The following PLXNA4 variants were observed in gnomAD, a reference collection of about 807,000 sequenced individuals.
The protein encoded by PLXNA4 is plexin A4.
Under a neutral mutation model 191.8 loss-of-function variants are expected in PLXNA4, and 44 were observed. The observed-to-expected ratio is 0.23, with a 90% CI of 0.18 to 0.29. The LOEUF (loss-of-function observed/expected upper bound fraction) is 0.29. Among genes scored for constraint, PLXNA4 ranks in the 10% least tolerant of loss-of-function variants. PLXNA4 has a pLI of 1.00. For synonymous variants in PLXNA4, 1,082 were observed against 1,009.5 expected (o/e 1.07, Z -1.36); for missense variants, 1,800 against 2,488.8 (o/e 0.72, Z 5.89).
At chr7:132,539,795 G>A (rs1799991213) in intron 1 of PLXNA4, among the ~76,000 whole-genome samples, 1 of 152,182 alleles carries the variant, frequency 6.6e-6, no homozygotes, top group Admixed American at 6.5e-5. Flanking sequence ...TAAGAGATGA[G>A]TTCTTCCACG....
At chr7:132,591,108 G>A (rs1802596876) in intron 2 of PLXNA4, among the ~76,000 whole-genome samples, 2 of 152,296 alleles carry the variant, frequency 1.3e-5, no homozygotes, top group South Asian at 4.1e-4. Context: ...AAGGAGGCAT[G>A]GGATCACTAA....
chr7:132,320,428 G>A (rs1186031341), intron 3 of PLXNA4, among the ~76,000 whole-genome samples: 1 of 152,178 alleles, frequency 6.6e-6, no homozygotes, highest in Non-Finnish European at 1.5e-5. Flanking sequence ...CCAGTCACTG[G>A]ATTAAAGCCC....
chr7:132,557,547 T>A (rs538160645), intron 1 of PLXNA4, among the ~76,000 whole-genome samples: 3 of 108,950 alleles, frequency 2.8e-5, no homozygotes, highest in African/African-American at 1.2e-4. Context: ...TTATCTTTTT[T>A]TTAAAAAAAA....
intron 3 of PLXNA4, among the ~76,000 whole-genome samples, chr7:132,419,149 G>C (rs1005346021): frequency 1.3e-5 from 2 of 152,154 alleles, no homozygotes; most frequent in African/African-American, 4.8e-5. Context: ...TTCCCAGAGG[G>C]AAAATGGAAA....
At chr7:132,463,515 G>A (rs1563113715) in intron 3 of PLXNA4, among the ~76,000 whole-genome samples, 1 of 152,208 alleles carries the variant, frequency 6.6e-6, no homozygotes, top group Non-Finnish European at 1.5e-5. Context: ...ATGCCAGAGA[G>A]GATAAGAGAC....
chr7:132,524,639 G>C (rs559277851), intron 1 of PLXNA4, among the ~76,000 whole-genome samples: 1 of 152,230 alleles, frequency 6.6e-6, no homozygotes, highest in South Asian at 2.1e-4. Context: ...GCAGTGGCAT[G>C]ATCTCGGCTC....
intron 4 of PLXNA4, among the ~76,000 whole-genome samples, chr7:132,275,542 C>T (rs188089678): frequency 2.0e-5 from 3 of 152,268 alleles, no homozygotes; most frequent in East Asian, 3.9e-4. Flanking sequence ...CCAAAAACCA[C>T]CCAAACATTG....
chr7:132,356,603 T>C (rs1031069119), intron 3 of PLXNA4, among the ~76,000 whole-genome samples: 3 of 152,242 alleles, frequency 2.0e-5, no homozygotes, highest in African/African-American at 7.2e-5. Context: ...CCACCGCTGT[T>C]GTCCACCAAA....
chr7:132,360,134 A>G (rs1803876992), intron 3 of PLXNA4, among the ~76,000 whole-genome samples: 1 of 152,188 alleles, frequency 6.6e-6, no homozygotes, highest in Non-Finnish European at 1.5e-5. Flanking sequence ...CTACCAGATT[A>G]CACAGCTCCC....
chr7:132,612,277 C>T (rs1487921077), intron 2 of PLXNA4, among the ~76,000 whole-genome samples: 3 of 152,130 alleles, frequency 2.0e-5, no homozygotes, highest in African/African-American at 7.2e-5. Context: ...AAAAATTGGG[C>T]TTCTTTTACT....
intron 3 of PLXNA4, among the ~76,000 whole-genome samples, chr7:132,322,595 G>A (rs1802215442): frequency 6.6e-6 from 1 of 152,144 alleles, no homozygotes; most frequent in African/African-American, 2.4e-5. Flanking sequence ...AAACATCCTG[G>A]TGCAATTTCA....
chr7:132,557,101 G>A (rs976457581), intron 1 of PLXNA4, among the ~76,000 whole-genome samples: 2 of 152,218 alleles, frequency 1.3e-5, no homozygotes, highest in Non-Finnish European at 2.9e-5. Flanking sequence ...CCAGCAGTGG[G>A]ATGGGGGCTG....
intron 12 of PLXNA4, among the ~76,000 whole-genome samples, chr7:132,201,887 C>T (rs1797447160): frequency 6.6e-6 from 1 of 152,100 alleles, no homozygotes. Context: ...TGGTGAGATC[C>T]CCATGAGCTG....
rs114759806 is a variant in PLXNA4 at position 132,516,564 on chromosome 7, C to G, written c.-86-7785G>C. On this transcript the variant is annotated intron_variant, in intron 1 of 31. Coordinates refer to ENST00000321063, the MANE Select transcript of PLXNA4 (RefSeq NM_020911.2). The stretch of plus-strand genomic sequence containing the variant: ...GCAGGAGATGCCAGTTGCTAGAAGT[C>G]AGCATGCACTCCTGTATTCAGCCAA... Among the ~76,000 whole-genome samples the G allele has an allele frequency of 6.9e-3, 1,056 of 152,304 alleles. 6 individuals are homozygous for G. Among genetic ancestry groups the G allele is most frequent in the African/African-American group, 0.024 (1,008 of 41,558 alleles).
At chr7:132,578,836 A>G (rs2288275), upstream of PLXNA4, among the ~76,000 whole-genome samples, 81,603 of 152,022 alleles carry the variant, frequency 0.54, 22,256 homozygotes, top group South Asian at 0.67. Context: ...TTAAGCTTAC[A>G]TGAATACATT....
chr7:132,249,559 T>A (rs775444343), intron 4 of PLXNA4, among the ~76,000 whole-genome samples: 2 of 152,114 alleles, frequency 1.3e-5, no homozygotes, highest in Non-Finnish European at 2.9e-5. Flanking sequence ...TGGCACGTGA[T>A]CGTTATTAGC....
chr7:132,359,904 A>T (rs2116846483), intron 3 of PLXNA4, among the ~76,000 whole-genome samples: 1 of 152,326 alleles, frequency 6.6e-6, no homozygotes, highest in East Asian at 1.9e-4. Flanking sequence ...GGGAGCAGTG[A>T]CCTAATCAAG....
intron 3 of PLXNA4, among the ~76,000 whole-genome samples, chr7:132,382,195 T>C (rs1376842804): frequency 6.6e-6 from 1 of 152,202 alleles, no homozygotes; most frequent in Non-Finnish European, 1.5e-5. Context: ...GGTCTCCTTC[T>C]TTCCCTGAAG....
intron 2 of PLXNA4, among the ~76,000 whole-genome samples, chr7:132,640,767 T>A (rs1057332307): frequency 2.5e-4 from 28 of 112,558 alleles, no homozygotes; most frequent in Non-Finnish European, 4.4e-4. Context: ...CATTGTCTTA[T>A]GTCTACTGAA....
Sources: gnomAD v4.1 joint callset for allele counts (sites outside exome capture counted in the v4.1 genomes callset) on GRCh38, gnomAD v4.1.1 for gene constraint, MANE v1.5 for transcripts, NCBI Gene and HGNC (gene_info 2026-07-23, HGNC 2026-07-21) for gene names.